Variants in ATP8A2 observed in about 807,000 individuals in gnomAD.
The protein encoded by ATP8A2 is phospholipid-transporting ATPase IB.
Under a neutral mutation model 165.6 loss-of-function variants are expected in ATP8A2, and 100 were observed. The observed-to-expected ratio is 0.60, with a 90% CI of 0.51 to 0.71. The LOEUF (loss-of-function observed/expected upper bound fraction) is 0.71. Among genes scored for constraint, ATP8A2 ranks in the 30% least tolerant of loss-of-function variants. The pLI is 0.00. For synonymous variants in ATP8A2, 543 were observed against 548.8 expected (o/e 0.99, Z 0.15); for missense variants, 1,227 against 1,479.5 (o/e 0.83, Z 2.80).
chr13:25,925,620 C>T (rs1954580878), intron 33 of ATP8A2, among the ~76,000 whole-genome samples: 1 of 151,696 alleles, frequency 6.6e-6, no homozygotes. Context: ...AAATGCTTGG[C>T]CATTGTCCTC....
intron 35 of ATP8A2, among the ~76,000 whole-genome samples, chr13:25,975,364 G>A (rs2139232415): frequency 6.6e-6 from 1 of 152,108 alleles, no homozygotes; most frequent in South Asian, 2.1e-4. Context: ...ACGAGGTCAG[G>A]AGATGGAGAC....
At chr13:25,545,924 A>G (rs909487328) in intron 10 of ATP8A2, among the ~76,000 whole-genome samples, 3 of 152,164 alleles carry the variant, frequency 2.0e-5, no homozygotes, top group African/African-American at 7.2e-5. Flanking sequence ...CATGAGCCAC[A>G]GTTCCCAGCC....
At chr13:25,799,475 C>T (rs1950573165) in intron 27 of ATP8A2, among the ~76,000 whole-genome samples, 1 of 152,160 alleles carries the variant, frequency 6.6e-6, no homozygotes, top group African/African-American at 2.4e-5. Flanking sequence ...ATATGGAGCT[C>T]CTACCTGAGT....
rs71080203 is a variant in ATP8A2, at chr13:25,829,668, GTATA to G, written c.2754+1526_2754+1529del. Among the ~76,000 whole-genome samples the G allele has an allele frequency of 5.1e-3, 323 of 62,986 alleles. 1 individual carries two copies. The highest frequency in any genetic ancestry group is 6.9e-3 in the Non-Finnish European group (218 of 31,654). 41.3% of individuals were successfully genotyped at this position (62,986 alleles called of 152,430 possible). A position where few individuals can be genotyped will look rare whatever the true frequency, so the allele number is the denominator to read the frequency against. On this transcript the variant is annotated intron_variant, in intron 28 of 36. Coordinates refer to ENST00000381655, the MANE Select transcript of ATP8A2 (RefSeq NM_016529.6). Reference sequence around the variant, plus strand: ...TGTTGTAGAGCCAAGGACAGGTGTGGTATATATATATATATATATATATATATAT... The same window carrying G: ...TGTTGTAGAGCCAAGGACAGGTGTGGTATATATATATATATATATATATAT...
chr13:25,402,912 C>T (rs149339741), intron 1 of ATP8A2, among the ~76,000 whole-genome samples: 3 of 152,290 alleles, frequency 2.0e-5, no homozygotes, highest in African/African-American at 4.8e-5. Context: ...ATTCAGTTTC[C>T]GATGAGGTCC....
At chr13:25,450,636 A>G (rs1051894822) in intron 1 of ATP8A2, among the ~76,000 whole-genome samples, 1 of 152,018 alleles carries the variant, frequency 6.6e-6, no homozygotes, top group Non-Finnish European at 1.5e-5. Context: ...GGTTCACGCC[A>G]TTCTCCTGCT....
intron 24 of ATP8A2, among the ~76,000 whole-genome samples, chr13:25,685,833 A>T (rs7338398): frequency 0.26 from 39,571 of 152,080 alleles, 5,464 homozygotes; most frequent in South Asian, 0.47. Context: ...CCTGCCTTCC[A>T]TGGTAACAGG....
intron 1 of ATP8A2, among the ~76,000 whole-genome samples, chr13:25,436,988 G>A (rs1340926260): frequency 3.3e-5 from 5 of 152,014 alleles, no homozygotes; most frequent in African/African-American, 1.2e-4. Flanking sequence ...TGTTGCCCAG[G>A]CTGGTCTTTA....
At chr13:25,601,050 T>G (rs1466839398) in intron 24 of ATP8A2, among the ~76,000 whole-genome samples, 1 of 152,206 alleles carries the variant, frequency 6.6e-6, no homozygotes, top group African/African-American at 2.4e-5. Flanking sequence ...CACACAGAAG[T>G]TGACTATTTT....
chr13:25,962,651 G>A (rs965395702), intron 34 of ATP8A2, among the ~76,000 whole-genome samples: 1 of 152,080 alleles, frequency 6.6e-6, no homozygotes, highest in Admixed American at 6.6e-5. Flanking sequence ...CTCCGAGCTC[G>A]GCTTTACTTT....
intron 11 of ATP8A2, among the ~76,000 whole-genome samples, chr13:25,551,786 C>G (rs1016854514): frequency 3.3e-5 from 5 of 152,020 alleles, no homozygotes; most frequent in African/African-American, 1.2e-4. Context: ...CCAATTTATC[C>G]AAATCTACTT....
At chr13:25,615,187 A>C (rs749956122) in intron 24 of ATP8A2, among the ~76,000 whole-genome samples, 1 of 152,084 alleles carries the variant, frequency 6.6e-6, no homozygotes, top group Non-Finnish European at 1.5e-5. Flanking sequence ...CTGAGCTCAG[A>C]CTGTCCTTGG....
chr13:26,011,563 C>T (rs937953419), intron 35 of ATP8A2, among the ~76,000 whole-genome samples: 2 of 152,126 alleles, frequency 1.3e-5, no homozygotes, highest in African/African-American at 2.4e-5. Flanking sequence ...TAATGACAAG[C>T]GAAATGAGAG....
intron 24 of ATP8A2, among the ~76,000 whole-genome samples, chr13:25,643,747 T>G (rs530678995): frequency 6.6e-6 from 1 of 151,972 alleles, no homozygotes; most frequent in Non-Finnish European, 1.5e-5. Flanking sequence ...GTTTTGTTTT[T>G]TTTTTCAGTT....
intron 33 of ATP8A2, among the ~76,000 whole-genome samples, chr13:25,961,102 T>C (rs552746714): frequency 1.4e-4 from 21 of 152,358 alleles, no homozygotes; most frequent in African/African-American, 4.8e-4. Context: ...AACCTATTCA[T>C]CTTCCTTTCC....
At chr13:25,954,281 C>T (rs1396163877) in intron 33 of ATP8A2, among the ~76,000 whole-genome samples, 1 of 152,202 alleles carries the variant, frequency 6.6e-6, no homozygotes, top group Non-Finnish European at 1.5e-5. Flanking sequence ...CTCTGCAAAG[C>T]CACAGTAGCC....
chr13:25,862,275 G>T, intron 32 of ATP8A2, 26 bp from the exon 33 acceptor site: 1 of 1,576,346 alleles, frequency 6.3e-7, no homozygotes, highest in Non-Finnish European at 8.7e-7. Flanking sequence ...CGAGAAGCCT[G>T]TCTGAGTGTC....
intron 33 of ATP8A2, among the ~76,000 whole-genome samples, chr13:25,937,170 A>G (rs1181505378): frequency 6.6e-6 from 1 of 152,088 alleles, no homozygotes; most frequent in Non-Finnish European, 1.5e-5. Flanking sequence ...AGAGGGGATA[A>G]AGGACACATA....
intron 25 of ATP8A2, among the ~76,000 whole-genome samples, chr13:25,700,383 C>T (rs531753133): frequency 1.8e-4 from 28 of 152,222 alleles, no homozygotes; most frequent in Admixed American, 1.5e-3. Context: ...TTCATCACCC[C>T]GTAAAGAAAC....
Sources: gnomAD v4.1 joint callset for allele counts (sites outside exome capture counted in the v4.1 genomes callset) on GRCh38, gnomAD v4.1.1 for gene constraint, MANE v1.5 for transcripts, NCBI Gene and HGNC (gene_info 2026-07-23, HGNC 2026-07-21) for gene names.